The following TAF4B variants were observed in gnomAD, a reference collection of about 807,000 sequenced individuals.
TAF4B encodes transcription initiation factor TFIID subunit 4B.
Under a neutral mutation model 86.4 loss-of-function variants are expected in TAF4B, and 38 were observed. That is an observed-to-expected ratio of 0.44 (90% CI 0.34 to 0.58). The LOEUF is 0.58. Ranked by LOEUF, TAF4B falls within the 20% of genes least tolerant of loss-of-function variation. The pLI is 0.02. For missense variants in TAF4B, 988 were observed against 1,027.6 expected (o/e 0.96, Z 0.53); for synonymous variants, 388 against 391.2 (o/e 0.99, Z 0.10).
intron 13 of TAF4B, among the ~76,000 whole-genome samples, chr18:26,338,475 T>TTC: frequency 7.2e-6 from 1 of 138,386 alleles, no homozygotes; most frequent in African/African-American, 2.7e-5. Context: ...CTAGAATTTT[T>TTC]TTTTTTTTTT....
chr18:26,338,607 TA>T (rs2144703020), intron 13 of TAF4B, among the ~76,000 whole-genome samples: 1 of 150,702 alleles, frequency 6.6e-6, no homozygotes, highest in Admixed American at 6.6e-5. Flanking sequence ...GCCTCCTGAG[TA>T]GCTGAGATTA....
Position 26,285,222 on chromosome 18 carries a change from G to GTTTTTGTTTTTTTTTTTTTTTTTTTTT in TAF4B, c.973-655_973-654insGTTTTTTTTTTTTTTTTTTTTTTTTTT. ...ATTTCTTCCTTTCCTTTTTTTTTTT[G>GTTTTTGTTTTTTTTTTTTTTTTTTTTT]TTTTTTTTTTTTTTGGAGATGGGGT... On this transcript the variant is annotated intron_variant, in intron 6 of 14. Transcript: ENST00000269142. 3.3e-4 allele frequency among the ~76,000 whole-genome samples: 15 copies of GTTTTTGTTTTTTTTTTTTTTTTTTTTT among 45,690 alleles called. 1 individual carries two copies. The highest frequency in any genetic ancestry group is 1.2e-3 in the Admixed American group (4 of 3,232). The allele number at this position is 45,690 out of a possible 152,430, so 30.0% of individuals were successfully genotyped here.
At chr18:26,283,881 A>C (rs1055109164) in intron 6 of TAF4B, among the ~76,000 whole-genome samples, 1 of 151,482 alleles carries the variant, frequency 6.6e-6, no homozygotes, top group Admixed American at 6.6e-5. Flanking sequence ...AGAAACCCTG[A>C]CTCTACTAAA....
At chr18:26,244,043 GAGGAGGC>G (rs1304965267) in intron 1 of TAF4B, among the ~76,000 whole-genome samples, 1 of 152,240 alleles carries the variant, frequency 6.6e-6, no homozygotes, top group Non-Finnish European at 1.5e-5. Flanking sequence ...GGACCCACTT[GAGGAGGC>G]AGTCTATCCA....
chr18:26,227,506 CG>C (rs1179516863), intron 1 of TAF4B, among the ~76,000 whole-genome samples: 1 of 152,106 alleles, frequency 6.6e-6, no homozygotes, highest in African/African-American at 2.4e-5. Flanking sequence ...TCAGCGTATT[CG>C]GGGGGGCTTT....
chr18:26,266,393 G>A (rs1028216311), intron 2 of TAF4B, among the ~76,000 whole-genome samples: 1 of 152,042 alleles, frequency 6.6e-6, no homozygotes. Context: ...ATTACAGGCT[G>A]AGTACTGTAC....
At chr18:26,254,616 G>T (rs115097498) in intron 1 of TAF4B, among the ~76,000 whole-genome samples, 1 of 152,128 alleles carries the variant, frequency 6.6e-6, no homozygotes, top group Non-Finnish European at 1.5e-5. Flanking sequence ...GTGCCATCCC[G>T]AAGACTTGCA....
intron 9 of TAF4B, among the ~76,000 whole-genome samples, chr18:26,306,900 C>G (rs944684557): frequency 1.3e-5 from 2 of 152,102 alleles, no homozygotes; most frequent in Non-Finnish European, 2.9e-5. Context: ...GCCTCAGCCT[C>G]CTGAGTAGCT....
In TAF4B at chr18:26,389,856, C is replaced by T. The variant is rs759739423; in HGVS notation, c.2433C>T (p.Asp811=). The change falls in exon 15 of 15, where the codon GAC becomes GAT. Residue 811 remains aspartate, a synonymous_variant. Transcript: ENST00000269142. ...TTTATTATTTTTAGGGCTTAAAAGA[C>T]AACCTTCTTGCTTCTGGGACATCCA... is the stretch of plus-strand genomic sequence containing the variant. ...PLESGIEGLK[D]NLLASGTSSL... is the part of the protein sequence containing the mutation. The T allele has an allele frequency of 6.2e-7, 1 of 1,609,426 alleles. No homozygotes were observed. The highest frequency in any genetic ancestry group is 8.5e-7 in the Non-Finnish European group (1 of 1,178,800).
rs768492157 is a variant in TAF4B at position 26,286,424 on chromosome 18, A to T, written c.1515A>T (p.Gln505His). The change falls in exon 7 of 15, where the codon CAA becomes CAT. Residue 505 changes from glutamine (Q) to histidine (H), a missense_variant. This residue lies in a region of TAF4B where 747 missense variants were observed against 737.9 expected (regional missense o/e 1.01). Coordinates refer to ENST00000269142, the MANE Select transcript of TAF4B (RefSeq NM_005640.3). The stretch of plus-strand genomic sequence containing the variant: ...AGCCTGTTATTGGGACTCCAGTTCA[A>T]ATCAAACTTGCCCAGCCGGGCCCTG... ...SDKPVIGTPV[Q>H]IKLAQPGPVL... is the part of the protein sequence containing the mutation. The T allele has an allele frequency of 2.5e-6, 4 of 1,614,040 alleles. No homozygotes were observed. The highest frequency in any genetic ancestry group is 2.7e-5 in the African/African-American group (2 of 74,912).
chr18:26,368,969 G>C (rs1308410486), intron 14 of TAF4B, among the ~76,000 whole-genome samples: 1 of 152,098 alleles, frequency 6.6e-6, no homozygotes, highest in Non-Finnish European at 1.5e-5. Context: ...AAAGAAGAAA[G>C]GAGAAAAATG....
intron 1 of TAF4B, among the ~76,000 whole-genome samples, chr18:26,239,544 T>C (rs959390488): frequency 6.6e-6 from 1 of 152,254 alleles, no homozygotes; most frequent in Non-Finnish European, 1.5e-5. Context: ...GGTTGCCTGT[T>C]CACTCTGATG....
At chr18:26,263,711 T>C (rs867167603) in intron 1 of TAF4B, among the ~76,000 whole-genome samples, 7 of 151,004 alleles carry the variant, frequency 4.6e-5, no homozygotes, top group African/African-American at 7.3e-5. Flanking sequence ...CTTTCTCTCT[T>C]TCTCTCTCTC....
At position 26,278,207 on chromosome 18, in the gene TAF4B, A is replaced by AAT. The variant is rs2056405420; in HGVS notation, c.882+3157_882+3158dup. On this transcript the variant is annotated intron_variant, in intron 5 of 14. Coordinates refer to ENST00000269142, the MANE Select transcript of TAF4B (RefSeq NM_005640.3). Reference sequence around the variant, plus strand: ...GTATGTTTCCTATTTTGTTATATACAATATTAAAGAGGTATCTACTGAAGA... The same window carrying AAT: ...GTATGTTTCCTATTTTGTTATATACAATATATTAAAGAGGTATCTACTGAAGA... 3.3e-5 allele frequency among the ~76,000 whole-genome samples: 5 copies of AAT among 152,338 alleles called. No individual in the cohort carries two copies. In the South Asian group the frequency reaches 1.0e-3, roughly 32 times the overall value.
At chr18:26,315,157 TCTCTCA>T (rs1167314552) in intron 9 of TAF4B, 66 bp from the exon 10 acceptor site, 5,035 of 444,402 alleles carry the variant, frequency 0.011, 114 homozygotes, top group Admixed American at 0.013. Flanking sequence ...TCTCTCTCTC[TCTCTCA>T]CACACACACA....
chr18:26,367,238 A>G (rs2057378120), intron 14 of TAF4B, among the ~76,000 whole-genome samples: 1 of 152,234 alleles, frequency 6.6e-6, no homozygotes, highest in Non-Finnish European at 1.5e-5. Context: ...GTCTCACGCT[A>G]TGCTGTCTGC....
Position 26,265,382 on chromosome 18 carries a change from G to A in TAF4B, c.489+67G>A, listed in dbSNP as rs796159451. Reference sequence around the variant, plus strand: ...GCTATAATTTTCATATAAATGTTGTGTATATGTTTGCTAGTAAAAAATAAT... The same window carrying A: ...GCTATAATTTTCATATAAATGTTGTATATATGTTTGCTAGTAAAAAATAAT... On this transcript the variant is annotated intron_variant, in intron 2 of 14. Coordinates refer to ENST00000269142, the MANE Select transcript of TAF4B (RefSeq NM_005640.3). The A allele has an allele frequency of 3.8e-5, 55 of 1,448,108 alleles. 1 individual carries two copies. The African/African-American group carries it at 7.2e-4, about 19-fold the overall frequency. 89.7% of individuals were successfully genotyped at this position (1,448,108 alleles called of 1,614,324 possible).
At chr18:26,267,303 C>T in intron 2 of TAF4B, 1 of 390,000 alleles carries the variant, frequency 2.6e-6, no homozygotes, top group South Asian at 1.1e-4. Context: ...TTTATTGAAT[C>T]AGTTGCCACC....
At chr18:26,264,683 C>G (rs544068546) in intron 1 of TAF4B, among the ~76,000 whole-genome samples, 1 of 152,290 alleles carries the variant, frequency 6.6e-6, no homozygotes, top group African/African-American at 2.4e-5. Context: ...AAAGGGCTCA[C>G]ATTTACATAT....
Sources: allele counts gnomAD v4.1 joint callset (sites outside exome capture counted in the v4.1 genomes callset), GRCh38; gene constraint gnomAD v4.1.1; regional missense constraint gnomAD v4.1.1; transcripts MANE v1.5; gene names NCBI Gene and HGNC (gene_info 2026-07-23, HGNC 2026-07-21).